Variants in DNAJC1 observed in about 807,000 individuals in gnomAD.
The protein encoded by DNAJC1 is dnaJ homolog subfamily C member 1.
DNAJC1 carries 58 observed loss-of-function variants against 76.6 expected under a neutral mutation model. The ratio of observed to expected loss-of-function variants is 0.76; its 90% CI spans 0.61 to 0.94. The LOEUF (loss-of-function observed/expected upper bound fraction) is 0.94. Among genes scored for constraint, DNAJC1 ranks in the 40% least tolerant of loss-of-function variants. The pLI is 0.00. For synonymous variants in DNAJC1, 258 were observed against 267.9 expected (o/e 0.96, Z 0.36); for missense variants, 689 against 677.3 (o/e 1.02, Z -0.19).
intron 7 of DNAJC1, among the ~76,000 whole-genome samples, chr10:21,883,195 A>G (rs942344395): frequency 6.6e-6 from 1 of 151,512 alleles, no homozygotes; most frequent in African/African-American, 2.4e-5. Flanking sequence ...GGGTGGGGTT[A>G]GCCAAGATCA....
At chr10:21,945,041 T>A (rs1837483051) in intron 1 of DNAJC1, among the ~76,000 whole-genome samples, 1 of 152,198 alleles carries the variant, frequency 6.6e-6, no homozygotes. Flanking sequence ...AAGTAGTAGT[T>A]TGTATTAGAC....
chr10:21,812,624 G>A (rs1326216676), intron 8 of DNAJC1, among the ~76,000 whole-genome samples: 1 of 152,006 alleles, frequency 6.6e-6, no homozygotes, highest in Non-Finnish European at 1.5e-5. Flanking sequence ...CTGGAGCACA[G>A]TGGCACAATA....
chr10:21,828,550 T>G (rs944672888), intron 8 of DNAJC1, among the ~76,000 whole-genome samples: 1 of 152,188 alleles, frequency 6.6e-6, no homozygotes, highest in African/African-American at 2.4e-5. Flanking sequence ...ACTTAAAGTC[T>G]TAAGATCAAA....
At chr10:21,836,139 T>G (rs1197132704) in intron 8 of DNAJC1, among the ~76,000 whole-genome samples, 1 of 152,134 alleles carries the variant, frequency 6.6e-6, no homozygotes. Context: ...CGGCAGAAAC[T>G]CTACAAGCCA....
chr10:21,827,721 C>T (rs1471378209), intron 8 of DNAJC1, among the ~76,000 whole-genome samples: 1 of 152,164 alleles, frequency 6.6e-6, no homozygotes, highest in Non-Finnish European at 1.5e-5. Context: ...ATGACCTAAT[C>T]TTAACTAAGA....
chr10:21,846,506 T>G (rs1252821912), intron 8 of DNAJC1, among the ~76,000 whole-genome samples: 1 of 152,162 alleles, frequency 6.6e-6, no homozygotes, highest in Non-Finnish European at 1.5e-5. Flanking sequence ...TATCCACATA[T>G]GCAGAGGTAT....
intron 11 of DNAJC1, among the ~76,000 whole-genome samples, chr10:21,757,601 T>A (rs1266345733): frequency 1.3e-5 from 2 of 152,194 alleles, no homozygotes; most frequent in African/African-American, 4.8e-5. Flanking sequence ...CCCCAAAGAT[T>A]ACTTGCCTAA....
chr10:21,851,073 G>C (rs1218812028), intron 8 of DNAJC1, among the ~76,000 whole-genome samples: 1 of 152,092 alleles, frequency 6.6e-6, no homozygotes, highest in Non-Finnish European at 1.5e-5. Context: ...AGAAAGCATA[G>C]GGGTAAAATT....
At chr10:21,986,492 T>C (rs191410010) in intron 1 of DNAJC1, among the ~76,000 whole-genome samples, 4 of 152,314 alleles carry the variant, frequency 2.6e-5, no homozygotes, top group Admixed American at 6.5e-5. Flanking sequence ...TTGGATTCTC[T>C]TTATTAGGTT....
chr10:21,762,770 T>C (rs1834256776), intron 10 of DNAJC1, among the ~76,000 whole-genome samples: 1 of 152,194 alleles, frequency 6.6e-6, no homozygotes, highest in Non-Finnish European at 1.5e-5. Flanking sequence ...CCATCACGCC[T>C]GGCTGTATTT....
In DNAJC1 at chr10:21,759,578, A is replaced by T; in HGVS notation, c.1188T>A (p.Asn396Lys). Residue 396 changes from asparagine to lysine, a missense_variant, in exon 11 of 12, where the codon AAT becomes AAA. Transcript: ENST00000376980. ...TGGTGGCCGTTTTGATGGGCCTGGA[A>T]TTCTGAACTGTCGATTTGAGTTCGG... ...RLSELKSTVQNSRPIKTATTL... is the reference protein window; with the variant it reads ...RLSELKSTVQKSRPIKTATTL... The T allele has an allele frequency of 6.2e-7, 1 of 1,614,134 alleles. No homozygotes were observed.
chr10:21,952,254 T>C (rs1297965980), intron 1 of DNAJC1, among the ~76,000 whole-genome samples: 1 of 152,228 alleles, frequency 6.6e-6, no homozygotes, highest in Non-Finnish European at 1.5e-5. Context: ...TTTTCAGTTA[T>C]ACCTTTTTTC....
At chr10:21,830,330 T>C (rs919040187) in intron 8 of DNAJC1, among the ~76,000 whole-genome samples, 1 of 152,246 alleles carries the variant, frequency 6.6e-6, no homozygotes, top group Admixed American at 6.5e-5. Flanking sequence ...AAAATATCTT[T>C]ATTTTATTCC....
intron 8 of DNAJC1, among the ~76,000 whole-genome samples, chr10:21,821,198 C>A (rs1439755750): frequency 6.6e-6 from 1 of 152,050 alleles, no homozygotes; most frequent in East Asian, 1.9e-4. Context: ...CTGCTTTGGG[C>A]AGGTGAAAGG....
At chr10:21,807,362 C>G (rs1834895099) in intron 8 of DNAJC1, among the ~76,000 whole-genome samples, 1 of 152,140 alleles carries the variant, frequency 6.6e-6, no homozygotes, top group Non-Finnish European at 1.5e-5. Flanking sequence ...CCACTGTGCT[C>G]TAACCACACT....
chr10:21,880,582 G>C (rs1359589793), intron 8 of DNAJC1, among the ~76,000 whole-genome samples: 1 of 152,026 alleles, frequency 6.6e-6, no homozygotes, highest in Non-Finnish European at 1.5e-5. Context: ...GGGTGACTAG[G>C]TACACTGTCA....
chr10:21,874,110 T>G (rs952101328), intron 8 of DNAJC1, among the ~76,000 whole-genome samples: 4 of 152,176 alleles, frequency 2.6e-5, no homozygotes, highest in African/African-American at 9.7e-5. Context: ...CATACAATAT[T>G]ATTCAGCCAC....
chr10:21,982,667 A>T (rs1053178734), intron 1 of DNAJC1, among the ~76,000 whole-genome samples: 4 of 152,042 alleles, frequency 2.6e-5, no homozygotes, highest in African/African-American at 9.7e-5. Context: ...AGGGAAATGC[A>T]AATCAAAACC....
chr10:21,789,131 T>C (rs1326625430), intron 9 of DNAJC1, among the ~76,000 whole-genome samples: 1 of 152,138 alleles, frequency 6.6e-6, no homozygotes, highest in South Asian at 2.1e-4. Context: ...CTTGGCTAGG[T>C]TTCCCCACCG....
Sources: allele counts gnomAD v4.1 joint callset (sites outside exome capture counted in the v4.1 genomes callset), GRCh38; gene constraint gnomAD v4.1.1; transcripts MANE v1.5; gene names NCBI Gene and HGNC (gene_info 2026-07-23, HGNC 2026-07-21).